CSMD1: variants seen among roughly 807,000 people sequenced by gnomAD.
CSMD1 encodes the protein CUB and sushi domain-containing protein 1.
In CSMD1, 213 loss-of-function variants were observed where a neutral mutation model predicts 417.5. That is an observed-to-expected ratio of 0.51 (90% CI 0.46 to 0.57). CSMD1 has a LOEUF of 0.57. CSMD1 is among the 20% of genes least tolerant of loss of function. The pLI is 0.00. For synonymous variants in CSMD1, 2,862 were observed against 1,736.8 expected, an observed-to-expected ratio of 1.65 and a Z score of -16.11; for missense variants, 6,923 against 4,529.7, an observed-to-expected ratio of 1.53 and a Z score of -15.17.
Position 4,143,889 on chromosome 8 carries a change from G to A in CSMD1, c.416-111790C>T, listed in dbSNP as rs77487473. On this transcript the variant is annotated intron_variant, in intron 3 of 69. Coordinates refer to ENST00000635120, the MANE Select transcript of CSMD1 (RefSeq NM_033225.6). ...TACCCCTTATCTGGATGAAGAATTTGGTCCCTGGCTAATTAAAGGCTGGGG... is the reference window on the plus strand; with the variant it reads ...TACCCCTTATCTGGATGAAGAATTTAGTCCCTGGCTAATTAAAGGCTGGGG... Among the ~76,000 whole-genome samples, 1,002 of 151,128 alleles carry A rather than the reference G, an allele frequency of 6.6e-3. 70 individuals carry two copies. The highest frequency in any genetic ancestry group is 0.024 in the African/African-American group (956 of 40,472).
Position 3,677,093 on chromosome 8 carries a change from C to G in CSMD1, c.1009+31321G>C, listed in dbSNP as rs982156316. Among the ~76,000 whole-genome samples the G allele has an allele frequency of 3.9e-5, 6 of 151,982 alleles. 1 individual carries two copies. Among genetic ancestry groups the G allele is most frequent in the Admixed American group, 2.0e-4 (3 of 15,258 alleles). On this transcript the variant is annotated intron_variant, in intron 7 of 69. Transcript: ENST00000635120. Reference sequence around the variant, plus strand: ...CTAGACATTGGGTAGATAGGTGCAACAAAAACCATGACACATGTAGTTCTA... The same window carrying G: ...CTAGACATTGGGTAGATAGGTGCAAGAAAAACCATGACACATGTAGTTCTA...
intron 2 of CSMD1, among the ~76,000 whole-genome samples, chr8:4,551,670 T>C (rs1797874716): frequency 6.6e-6 from 1 of 151,754 alleles, no homozygotes; most frequent in Non-Finnish European, 1.5e-5. Flanking sequence ...CAGGATCAAT[T>C]TATTTATTTA....
chr8:3,087,858 A>G (rs956727642), intron 48 of CSMD1, among the ~76,000 whole-genome samples: 2 of 152,266 alleles, frequency 1.3e-5, no homozygotes, highest in African/African-American at 4.8e-5. Flanking sequence ...GTGATAGGGT[A>G]CTGCACAAGA....
intron 52 of CSMD1, among the ~76,000 whole-genome samples, chr8:3,015,113 G>T (rs75045939): frequency 0.02 from 3,008 of 148,754 alleles, 89 homozygotes; most frequent in African/African-American, 0.068. Context: ...AAAAAAAACA[G>T]AACTGAATAA....
In CSMD1 at chr8:4,144,304, A is replaced by C. The variant is rs139993680; in HGVS notation, c.416-112205T>G. Among the ~76,000 whole-genome samples, 439 of 151,028 alleles carry C rather than the reference A, an allele frequency of 2.9e-3. 21 individuals carry two copies. Among genetic ancestry groups the C allele is most frequent in the African/African-American group, 9.8e-3 (395 of 40,390 alleles). ...TCACCCCACTTAAACAGGATACCCC[A>C]CTTAAACATGTCCTGGCCATATTCA... is the stretch of plus-strand genomic sequence containing the variant. On this transcript the variant is annotated intron_variant, in intron 3 of 69. Coordinates refer to ENST00000635120, the MANE Select transcript of CSMD1 (RefSeq NM_033225.6).
chr8:4,660,026 G>A (rs1161270130), intron 1 of CSMD1, among the ~76,000 whole-genome samples: 1 of 148,320 alleles, frequency 6.7e-6, no homozygotes, highest in Non-Finnish European at 1.5e-5. Context: ...ACTTAATAGT[G>A]AAAGGCTCCA....
At chr8:4,105,795 G>T (rs1020333937) in intron 3 of CSMD1, among the ~76,000 whole-genome samples, 5 of 152,202 alleles carry the variant, frequency 3.3e-5, no homozygotes, top group African/African-American at 7.2e-5. Flanking sequence ...GCGTTGAAAA[G>T]TGTCCTTTCC....
chr8:3,286,428 T>C (rs940788961), intron 25 of CSMD1, among the ~76,000 whole-genome samples: 1 of 152,180 alleles, frequency 6.6e-6, no homozygotes, highest in African/African-American at 2.4e-5. Flanking sequence ...GTTGAACTAG[T>C]TTACAGTCCC....
chr8:3,841,822 G>C (rs10098040), intron 5 of CSMD1, among the ~76,000 whole-genome samples: 48,429 of 151,576 alleles, frequency 0.32, 8,459 homozygotes, highest in East Asian at 0.57. Context: ...TGTGTTCAAA[G>C]CACCGAGACT....
intron 5 of CSMD1, among the ~76,000 whole-genome samples, chr8:3,776,495 C>T (rs990525741): frequency 1.3e-4 from 20 of 152,184 alleles, no homozygotes; most frequent in African/African-American, 4.8e-4. Flanking sequence ...ACATTTCCTG[C>T]TCTCTCTTAA....
intron 2 of CSMD1, among the ~76,000 whole-genome samples, chr8:4,433,487 C>T (rs1189836431): frequency 6.6e-6 from 1 of 152,150 alleles, no homozygotes; most frequent in East Asian, 1.9e-4. Context: ...GCAAGCGCGG[C>T]CAAGTGTTTC....
intron 7 of CSMD1, among the ~76,000 whole-genome samples, chr8:3,665,945 T>G (rs1798669492): frequency 6.6e-6 from 1 of 152,126 alleles, no homozygotes; most frequent in African/African-American, 2.4e-5. Flanking sequence ...TGGAGTGGCC[T>G]CAGCTCACTG....
At chr8:4,870,887 G>A (rs549645358) in intron 1 of CSMD1, among the ~76,000 whole-genome samples, 80 of 152,236 alleles carry the variant, frequency 5.3e-4, no homozygotes, top group African/African-American at 1.8e-3. Flanking sequence ...TGTGTCACCT[G>A]GCCCTTTGGG....
rs1186292388 is a variant in CSMD1 at position 4,309,809 on chromosome 8, T to C, written c.415+110144A>G. 1.3e-5 allele frequency among the ~76,000 whole-genome samples: 2 copies of C among 152,184 alleles called. 1 individual carries two copies. Among genetic ancestry groups the C allele is most frequent in the Non-Finnish European group, 2.9e-5 (2 of 68,038 alleles). On this transcript the variant is annotated intron_variant, in intron 3 of 69. Transcript: ENST00000635120. ...GAAACCTCACCTCCATATAGGTCCC[T>C]TCGCCCTTACTTCATTTTAAATATA...
In CSMD1 at chr8:4,026,884, G is replaced by A. The variant is rs146355148; in HGVS notation, c.610+5021C>T. Among the ~76,000 whole-genome samples, 21 of 152,310 alleles carry A rather than the reference G, an allele frequency of 1.4e-4. No individual in the cohort carries two copies. The East Asian group carries it at 3.3e-3, about 24-fold the overall frequency. ...GCAAAAGTTTGGAATTTGGCAAGGTGTAGTATGCTGCTGAGCGAATTCTTT... is the reference window on the plus strand; with the variant it reads ...GCAAAAGTTTGGAATTTGGCAAGGTATAGTATGCTGCTGAGCGAATTCTTT... On this transcript the variant is annotated intron_variant, in intron 4 of 69. Coordinates refer to ENST00000635120, the MANE Select transcript of CSMD1 (RefSeq NM_033225.6).
At chr8:3,641,912 C>A (rs1365508296) in intron 7 of CSMD1, among the ~76,000 whole-genome samples, 1 of 152,154 alleles carries the variant, frequency 6.6e-6, no homozygotes. Flanking sequence ...GAAACTAATT[C>A]TGATTAAGGT....
At chr8:4,938,142 T>A (rs1490449768) in intron 1 of CSMD1, among the ~76,000 whole-genome samples, 1 of 152,186 alleles carries the variant, frequency 6.6e-6, no homozygotes, top group African/African-American at 2.4e-5. Context: ...ATTGGTGCAC[T>A]GATGTCAGAA....
intron 52 of CSMD1, among the ~76,000 whole-genome samples, chr8:3,016,465 T>C (rs659660): frequency 0.015 from 2,283 of 152,310 alleles, 52 homozygotes; most frequent in African/African-American, 0.053. Context: ...AAGATGTCTT[T>C]GATAAAGGAA....
intron 3 of CSMD1, among the ~76,000 whole-genome samples, chr8:4,089,443 C>G (rs1190788911): frequency 6.6e-6 from 1 of 152,150 alleles, no homozygotes; most frequent in South Asian, 2.1e-4. Flanking sequence ...ATTTTTCACT[C>G]ATTTTTGTGT....
Sources: allele counts gnomAD v4.1 joint callset (sites outside exome capture counted in the v4.1 genomes callset), GRCh38; gene constraint gnomAD v4.1.1; transcripts MANE v1.5; gene names NCBI Gene and HGNC (gene_info 2026-07-23, HGNC 2026-07-21).